Variants in ABCB1 observed in about 807,000 individuals in gnomAD.
The protein encoded by ABCB1 is ATP binding cassette subfamily B member 1, also known as ATP-dependent translocase ABCB1.
A neutral mutation model predicts 142.0 loss-of-function variants in ABCB1; 69 were observed. That is an observed-to-expected ratio of 0.49 (90% CI 0.40 to 0.59). The LOEUF (loss-of-function observed/expected upper bound fraction) is 0.59. ABCB1 is among the 20% of genes least tolerant of loss of function. ABCB1 has a pLI of 0.00. For synonymous variants in ABCB1, 532 were observed against 539.2 expected (o/e 0.99, Z 0.18); for missense variants, 1,326 against 1,554.7 (o/e 0.85, Z 2.47).
In ABCB1 at chr7:87,516,524, C is replaced by T. The variant is rs138566631; in HGVS notation, c.3069G>A (p.Thr1023=). ...EKTPLIDSYS[T]EGLMPNTLEG... is the part of the protein sequence containing the mutation. ...TCAAACTCACCGGCATTAGGCCTTC[C>T]GTGCTGTAGCTGTCAATCAAAGGGG... Residue 1023 remains threonine (T), a synonymous_variant, in exon 24 of 28, where the codon ACG becomes ACA. Coordinates refer to ENST00000622132, the MANE Select transcript of ABCB1 (RefSeq NM_001348946.2). The T allele has an allele frequency of 7.1e-5, 114 of 1,614,036 alleles. No individual in the cohort carries two copies. The highest frequency in any genetic ancestry group is 3.3e-4 in the Middle Eastern group (2 of 6,084).
At chr7:87,640,620 C>T (rs1822348734) in intron 1 of ABCB1, among the ~76,000 whole-genome samples, 1 of 152,304 alleles carries the variant, frequency 6.6e-6, no homozygotes, top group Admixed American at 6.5e-5. Context: ...GTTGGAATGA[C>T]AGGCATGAGC....
upstream of ABCB1, among the ~76,000 whole-genome samples, chr7:87,603,661 T>G (rs1819546385): frequency 6.6e-6 from 1 of 152,268 alleles, no homozygotes; most frequent in Non-Finnish European, 1.5e-5. Context: ...TGCTTTTCAC[T>G]CTGTGCTTTT....
At chr7:87,670,324 C>T (rs1255758657) in intron 1 of ABCB1, among the ~76,000 whole-genome samples, 3 of 152,132 alleles carry the variant, frequency 2.0e-5, no homozygotes, top group Non-Finnish European at 2.9e-5. Flanking sequence ...TCTGTCAGAC[C>T]CATTGGGTTC....
At chr7:87,613,932 C>A (rs1375017985) in intron 1 of ABCB1, among the ~76,000 whole-genome samples, 4 of 152,084 alleles carry the variant, frequency 2.6e-5, no homozygotes, top group Non-Finnish European at 5.9e-5. Context: ...AAAGAAATTA[C>A]CAGTTTTGGA....
chr7:87,689,665 C>G (rs1827831533), intron 1 of ABCB1, among the ~76,000 whole-genome samples: 1 of 152,080 alleles, frequency 6.6e-6, no homozygotes, highest in Non-Finnish European at 1.5e-5. Context: ...ATTTAGTGGA[C>G]TTTGTTCATT....
intron 21 of ABCB1, chr7:87,522,107 T>C: frequency 2.3e-6 from 3 of 1,293,612 alleles, no homozygotes; most frequent in Non-Finnish European, 3.3e-6. Context: ...AATGACAACT[T>C]TGGTCGTGGA....
At chr7:87,665,096 T>C (rs757741818) in intron 1 of ABCB1, among the ~76,000 whole-genome samples, 1 of 152,092 alleles carries the variant, frequency 6.6e-6, no homozygotes, top group African/African-American at 2.4e-5. Context: ...ATCTCCTAGC[T>C]AGAGCAATTA....
chr7:87,709,238 G>A lies in ABCB1; in HGVS notation c.-331+3923C>T, dbSNP rs1002821745. On this transcript the variant is annotated intron_variant, in intron 1 of 28. Coordinates refer to the ABCB1 transcript ENST00000265724. Reference sequence around the variant, plus strand: ...TCCCTACATTTCTTATCTAGTAACAGCATAGTCTCCTGTGCTGAATTGTCT... The same window carrying A: ...TCCCTACATTTCTTATCTAGTAACAACATAGTCTCCTGTGCTGAATTGTCT... 4.0e-5 allele frequency: 39 copies of A among 984,908 alleles called. 1 individual carries two copies. Among genetic ancestry groups the A allele is most frequent in the Non-Finnish European group, 4.7e-5 (39 of 829,666 alleles). 61.0% of individuals were successfully genotyped at this position (984,908 alleles called of 1,614,324 possible). A position where few individuals can be genotyped will look rare whatever the true frequency, so the allele number is the denominator to read the frequency against.
At chr7:87,643,486 A>G (rs1451019621) in intron 1 of ABCB1, among the ~76,000 whole-genome samples, 1 of 152,176 alleles carries the variant, frequency 6.6e-6, no homozygotes, top group Non-Finnish European at 1.5e-5. Flanking sequence ...TTAGAAAAGA[A>G]AGAGGAAAAT....
chr7:87,540,504 G>A (rs544634887), intron 18 of ABCB1, among the ~76,000 whole-genome samples: 3 of 152,180 alleles, frequency 2.0e-5, no homozygotes, highest in East Asian at 1.9e-4. Flanking sequence ...GCAGTGGCAC[G>A]ATCATGGCTC....
chr7:87,623,733 A>G (rs1820309236), intron 1 of ABCB1, among the ~76,000 whole-genome samples: 1 of 150,966 alleles, frequency 6.6e-6, no homozygotes, highest in Non-Finnish European at 1.5e-5. Context: ...CATTTTCTTC[A>G]TGCTCGCTTC....
At position 87,585,653 on chromosome 7, in the gene ABCB1, A is replaced by G. The variant is rs1818719114; in HGVS notation, c.145T>C (p.Leu49=). The G allele has an allele frequency of 6.2e-7, 1 of 1,613,938 alleles. No individual in the cohort carries two copies. Among genetic ancestry groups the G allele is most frequent in the Non-Finnish European group, 8.5e-7 (1 of 1,179,910 alleles). Residue 49 remains leucine (L), a synonymous_variant, in exon 4 of 28, where the codon TTG becomes CTG. Transcript: ENST00000622132. ...MFRYSNWLDK[L]YMVVGTLAAI... is the part of the protein sequence containing the mutation. ...GCCAAAGTTCCCACCACCATATACA[A>G]CTTGTCAAGCCAATTTGAATAGCGA...
At chr7:87,513,247 T>C (rs1008938073) in intron 25 of ABCB1, among the ~76,000 whole-genome samples, 3 of 151,756 alleles carry the variant, frequency 2.0e-5, no homozygotes, top group Non-Finnish European at 4.4e-5. Context: ...TAGCCTCCTT[T>C]CACTCTTCCA....
chr7:87,686,105 A>T (rs185891566), intron 1 of ABCB1, among the ~76,000 whole-genome samples: 1 of 152,276 alleles, frequency 6.6e-6, no homozygotes, highest in East Asian at 1.9e-4. Flanking sequence ...CCTTAAATTT[A>T]CACTTGATGT....
chr7:87,658,621 T>A (rs1222048024), intron 1 of ABCB1, among the ~76,000 whole-genome samples: 1 of 151,910 alleles, frequency 6.6e-6, no homozygotes, highest in East Asian at 1.9e-4. Flanking sequence ...AAAGAAAAAA[T>A]GTTGCAAATA....
chr7:87,628,761 T>G (rs79138540), intron 1 of ABCB1: 11 of 1,038,946 alleles, frequency 1.1e-5, no homozygotes, highest in African/African-American at 1.6e-5. Context: ...AGAACCCCCT[T>G]AAGCAGGTGT....
At chr7:87,568,426 T>G (rs1471617941) in intron 5 of ABCB1, among the ~76,000 whole-genome samples, 2 of 143,628 alleles carry the variant, frequency 1.4e-5, no homozygotes, top group East Asian at 2.0e-4. Context: ...AAAAAAAAAA[T>G]GCAAACAATT....
intron 1 of ABCB1, among the ~76,000 whole-genome samples, chr7:87,616,612 C>T (rs1487370190): frequency 6.6e-6 from 1 of 152,154 alleles, no homozygotes; most frequent in African/African-American, 2.4e-5. Context: ...CATGGTATCT[C>T]CCCACCAGGT....
At chr7:87,576,200 C>T (rs766322055) in intron 4 of ABCB1, among the ~76,000 whole-genome samples, 2 of 151,600 alleles carry the variant, frequency 1.3e-5, no homozygotes, top group Non-Finnish European at 2.9e-5. Context: ...GCAGAGATTA[C>T]ATTGTAACTA....
Sources: gnomAD v4.1 joint callset for allele counts (sites outside exome capture counted in the v4.1 genomes callset) on GRCh38, gnomAD v4.1.1 for gene constraint, MANE v1.5 for transcripts, NCBI Gene and HGNC (gene_info 2026-07-23, HGNC 2026-07-21) for gene names.